Variants in ZNF385D observed in about 807,000 individuals in gnomAD.
ZNF385D encodes zinc finger protein 385D, also known as zinc finger protein 659.
A neutral mutation model predicts 35.8 loss-of-function variants in ZNF385D; 15 were observed. The ratio of observed to expected loss-of-function variants is 0.42; its 90% CI spans 0.28 to 0.64. The LOEUF is 0.64. Ranked by LOEUF, ZNF385D falls within the 30% of genes least tolerant of loss-of-function variation. ZNF385D has a pLI of 0.23. For missense variants in ZNF385D, 474 were observed against 494.6 expected (o/e 0.96, Z 0.39); for synonymous variants, 212 against 186.8 (o/e 1.13, Z -1.10).
chr3:21,505,509 C>G (rs552504561), intron 4 of ZNF385D, among the ~76,000 whole-genome samples: 1 of 152,232 alleles, frequency 6.6e-6, no homozygotes, highest in East Asian at 1.9e-4. Flanking sequence ...CAACATTTTT[C>G]TTTTCTCTAG....
At chr3:21,590,295 T>TTTATTGTGATTAC (rs2063934802) in intron 2 of ZNF385D, among the ~76,000 whole-genome samples, 1 of 152,192 alleles carries the variant, frequency 6.6e-6, no homozygotes, top group African/African-American at 2.4e-5. Context: ...TAAAACTTTT[T>TTTATTGTGATTAC]TTATTGTGAT....
chr3:22,355,586 T>G (rs1696113808), intron 2 of ZNF385D, among the ~76,000 whole-genome samples: 1 of 151,846 alleles, frequency 6.6e-6, no homozygotes, highest in Non-Finnish European at 1.5e-5. Flanking sequence ...AGAAGGTACC[T>G]GGAATGAATT....
chr3:21,767,448 G>A (rs1473761182), intron 3 of ZNF385D, among the ~76,000 whole-genome samples: 1 of 151,930 alleles, frequency 6.6e-6, no homozygotes, highest in African/African-American at 2.4e-5. Flanking sequence ...TCTTTTACAT[G>A]CTTCCTTAGC....
intron 3 of ZNF385D, among the ~76,000 whole-genome samples, chr3:22,096,045 G>C (rs954128274): frequency 2.0e-5 from 3 of 151,898 alleles, no homozygotes; most frequent in African/African-American, 4.8e-5. Context: ...ATTTGAAGGA[G>C]AGAATGTAGA....
At chr3:21,822,517 T>C (rs114520007) in intron 3 of ZNF385D, among the ~76,000 whole-genome samples, 178 of 152,302 alleles carry the variant, frequency 1.2e-3, no homozygotes, top group African/African-American at 4.2e-3. Flanking sequence ...GCAAAATGAT[T>C]TGTCATTACC....
chr3:21,717,190 G>T (rs186049734), intron 1 of ZNF385D, among the ~76,000 whole-genome samples: 1 of 152,228 alleles, frequency 6.6e-6, no homozygotes, highest in African/African-American at 2.4e-5. Flanking sequence ...TGTATAAATG[G>T]TTACTTCTGA....
intron 2 of ZNF385D, among the ~76,000 whole-genome samples, chr3:21,584,886 G>C (rs1025969077): frequency 2.6e-5 from 4 of 151,998 alleles, no homozygotes; most frequent in African/African-American, 9.7e-5. Context: ...TGTACCCTAT[G>C]GTTTCTAGAA....
intron 1 of ZNF385D, among the ~76,000 whole-genome samples, chr3:21,711,177 G>C (rs2068093690): frequency 1.3e-5 from 2 of 150,644 alleles, no homozygotes; most frequent in Non-Finnish European, 2.9e-5. Flanking sequence ...GAGTAGCTGG[G>C]ACTACAGGAG....
chr3:21,945,255 A>G (rs1248591436), intron 3 of ZNF385D, among the ~76,000 whole-genome samples: 4 of 152,086 alleles, frequency 2.6e-5, no homozygotes, highest in African/African-American at 9.7e-5. Context: ...AAATTTTTCT[A>G]TGCCACACAG....
In ZNF385D at chr3:21,427,615, A is replaced by G. The variant is rs536391108; in HGVS notation, c.674-1945T>C. ...TGGAAAATTTAAGAGATTTGGCCCC[A>G]GTAGTAGGGCTTAGCAATAGCAGGC... On this transcript the variant is annotated intron_variant, in intron 5 of 7. Transcript: ENST00000281523. Among the ~76,000 whole-genome samples the G allele has an allele frequency of 1.1e-3, 175 of 152,282 alleles. 1 individual carries two copies. The highest frequency in any genetic ancestry group is 1.1e-3 in the Non-Finnish European group (72 of 68,014).
chr3:22,273,318 G>A (rs114959018), intron 2 of ZNF385D, among the ~76,000 whole-genome samples: 13 of 152,074 alleles, frequency 8.5e-5, no homozygotes, highest in Non-Finnish European at 1.3e-4. Flanking sequence ...CATGAATAAT[G>A]AGCAGCAGAC....
At chr3:21,965,616 T>TGGA (rs1463774428) in intron 3 of ZNF385D, among the ~76,000 whole-genome samples, 1 of 152,176 alleles carries the variant, frequency 6.6e-6, no homozygotes, top group East Asian at 1.9e-4. Flanking sequence ...GAGTCTAGAT[T>TGGA]GGATTCTGGA....
At chr3:21,511,071 C>G (rs1245671415) in intron 3 of ZNF385D, 48 bp from the exon 4 acceptor site, 4 of 1,607,866 alleles carry the variant, frequency 2.5e-6, no homozygotes, top group South Asian at 2.2e-5. Context: ...CATTTCTAAA[C>G]TGGCATTCTC....
At chr3:21,894,894 C>A (rs907616968) in intron 3 of ZNF385D, among the ~76,000 whole-genome samples, 2 of 150,876 alleles carry the variant, frequency 1.3e-5, no homozygotes, top group Admixed American at 1.3e-4. Context: ...TATAAAGTGA[C>A]CTCTACCAGG....
intron 3 of ZNF385D, among the ~76,000 whole-genome samples, chr3:22,032,878 T>C (rs1043315273): frequency 6.6e-6 from 1 of 152,176 alleles, no homozygotes; most frequent in African/African-American, 2.4e-5. Flanking sequence ...ATCATCCTAA[T>C]TAAGCATTTG....
At chr3:22,205,369 A>G (rs1229179124) in intron 2 of ZNF385D, among the ~76,000 whole-genome samples, 1 of 151,976 alleles carries the variant, frequency 6.6e-6, no homozygotes, top group East Asian at 1.9e-4. Flanking sequence ...AAATGCTATA[A>G]GAAGTTCTAC....
chr3:22,182,993 G>C (rs892420422), intron 2 of ZNF385D, among the ~76,000 whole-genome samples: 2 of 151,936 alleles, frequency 1.3e-5, no homozygotes, highest in African/African-American at 2.4e-5. Context: ...GAAAGATTAA[G>C]TATTAAAATT....
At chr3:21,917,375 T>C (rs1021008960) in intron 3 of ZNF385D, among the ~76,000 whole-genome samples, 15 of 152,094 alleles carry the variant, frequency 9.9e-5, no homozygotes, top group Non-Finnish European at 1.0e-4. Flanking sequence ...GAGGTTGCAG[T>C]GAGCTGAGAT....
rs1699981025 is a variant in ZNF385D at position 22,066,695 on chromosome 3, T to A, written c.325+102122A>T. On this transcript the variant is annotated intron_variant, in intron 3 of 5. Coordinates refer to the ZNF385D transcript ENST00000494108. ...GTAACAAGGTTAGAAGAGGAAAATC[T>A]AGTTAGGAAGTTACTGCTAAGAAGA... Among the ~76,000 whole-genome samples the A allele has an allele frequency of 3.3e-5, 5 of 152,144 alleles. No individual in the cohort carries two copies. The South Asian group carries it at 1.0e-3, about 32-fold the overall frequency.
Sources: gnomAD v4.1 joint callset for allele counts (sites outside exome capture counted in the v4.1 genomes callset) on GRCh38, gnomAD v4.1.1 for gene constraint, MANE v1.5 for transcripts, NCBI Gene and HGNC (gene_info 2026-07-23, HGNC 2026-07-21) for gene names.